The following STK24 variants were observed in gnomAD, a reference collection of about 807,000 sequenced individuals.
STK24 encodes serine/threonine kinase 24, also known as serine/threonine-protein kinase 24.
Under a neutral mutation model 55.6 loss-of-function variants are expected in STK24, and 21 were observed. The observed-to-expected ratio is 0.38, with a 90% CI of 0.27 to 0.54. The LOEUF is 0.54. Ranked by LOEUF, STK24 falls within the 20% of genes least tolerant of loss-of-function variation. STK24 has a pLI of 0.79. For missense variants in STK24, 383 were observed against 538.4 expected (o/e 0.71, Z 2.86); for synonymous variants, 200 against 215.2 (o/e 0.93, Z 0.62).
intron 1 of STK24, among the ~76,000 whole-genome samples, chr13:98,544,521 C>A (rs1377559059): frequency 2.6e-4 from 39 of 152,330 alleles, no homozygotes; most frequent in Admixed American, 2.5e-3. Context: ...GAGGCACAGC[C>A]AGCCGGCAGA....
intron 2 of STK24, among the ~76,000 whole-genome samples, chr13:98,493,902 G>C (rs993703074): frequency 6.7e-6 from 1 of 150,016 alleles, no homozygotes; most frequent in Non-Finnish European, 1.5e-5. Flanking sequence ...GAGTGCAGTG[G>C]TGCGATCTTG....
At chr13:98,562,379 C>A (rs969616139) in intron 1 of STK24, among the ~76,000 whole-genome samples, 1 of 152,110 alleles carries the variant, frequency 6.6e-6, no homozygotes, top group Admixed American at 6.5e-5. Flanking sequence ...GGGTAGGAAA[C>A]GGGACTCGCA....
At chr13:98,485,773 G>A (rs560697648) in intron 2 of STK24, among the ~76,000 whole-genome samples, 2 of 152,354 alleles carry the variant, frequency 1.3e-5, no homozygotes, top group South Asian at 2.1e-4. Context: ...TTGCGAAGGC[G>A]GTTTCAGGTT....
chr13:98,472,192 G>C (rs1894178527), intron 5 of STK24, among the ~76,000 whole-genome samples: 1 of 152,232 alleles, frequency 6.6e-6, no homozygotes, highest in African/African-American at 2.4e-5. Flanking sequence ...TAAGGCCCCA[G>C]CGTGAAACCC....
chr13:98,539,984 A>T (rs1896842003), intron 1 of STK24, among the ~76,000 whole-genome samples: 1 of 152,226 alleles, frequency 6.6e-6, no homozygotes, highest in Non-Finnish European at 1.5e-5. Flanking sequence ...GCTGGAGAGT[A>T]AACAGACAAC....
At chr13:98,544,477 C>T (rs1007441816) in intron 1 of STK24, among the ~76,000 whole-genome samples, 2 of 152,246 alleles carry the variant, frequency 1.3e-5, no homozygotes, top group East Asian at 1.9e-4. Flanking sequence ...CGCAGCCCCC[C>T]TGGAGTATCT....
intron 1 of STK24, among the ~76,000 whole-genome samples, chr13:98,541,407 T>C (rs1332700334): frequency 2.6e-5 from 4 of 152,198 alleles, no homozygotes; most frequent in African/African-American, 4.8e-5. Context: ...CGACCAACTA[T>C]GAAGGGCAGT....
At chr13:98,538,734 T>C (rs1451497346) in intron 1 of STK24, among the ~76,000 whole-genome samples, 2 of 152,086 alleles carry the variant, frequency 1.3e-5, no homozygotes, top group Non-Finnish European at 2.9e-5. Context: ...TGCTAAACCC[T>C]ACCTCCTGGA....
chr13:98,518,490 T>C (rs985536647), intron 2 of STK24, among the ~76,000 whole-genome samples: 2 of 152,348 alleles, frequency 1.3e-5, no homozygotes, highest in African/African-American at 4.8e-5. Flanking sequence ...ATTCTTATGA[T>C]TTCTAAAACC....
chr13:98,554,278 C>T (rs1381203532), intron 1 of STK24, among the ~76,000 whole-genome samples: 1 of 152,140 alleles, frequency 6.6e-6, no homozygotes, highest in Non-Finnish European at 1.5e-5. Context: ...AGAGTCCATA[C>T]TTCCCAAAGA....
chr13:98,563,670 A>G (rs772645628), intron 1 of STK24, among the ~76,000 whole-genome samples: 7 of 152,090 alleles, frequency 4.6e-5, no homozygotes, highest in Non-Finnish European at 1.0e-4. Flanking sequence ...CATCCTGGCT[A>G]ACATGGTGAA....
intron 2 of STK24, among the ~76,000 whole-genome samples, chr13:98,501,238 G>A (rs1895448455): frequency 6.6e-6 from 1 of 152,234 alleles, no homozygotes; most frequent in Non-Finnish European, 1.5e-5. Flanking sequence ...CTGTGGAGCT[G>A]AGAAACCCCA....
chr13:98,485,242 G>A (rs1175114907), intron 2 of STK24, among the ~76,000 whole-genome samples: 1 of 152,186 alleles, frequency 6.6e-6, no homozygotes. Context: ...TATTATTACT[G>A]AAATCAGTCT....
intron 2 of STK24, among the ~76,000 whole-genome samples, chr13:98,500,743 CAACTAT>C: frequency 6.6e-6 from 1 of 151,800 alleles, no homozygotes; most frequent in Admixed American, 6.6e-5. Flanking sequence ...TCCACAAGCC[CAACTAT>C]GACAATAATT....
intron 2 of STK24, among the ~76,000 whole-genome samples, chr13:98,510,273 G>C (rs1487200451): frequency 6.6e-6 from 1 of 152,156 alleles, no homozygotes; most frequent in Non-Finnish European, 1.5e-5. Flanking sequence ...CATCCACCAG[G>C]TAAAAGAAGC....
rs1276595463 is a variant in STK24 at position 98,450,330 on chromosome 13, G to GAAAT, written c.*2839_*2842dup. ...ATACACAAGCTGTTTTTAAAGGAGG[G>GAAAT]AAATATAAAAAATGTTTATAAACTG... On this transcript the variant is annotated 3_prime_UTR_variant, in exon 11 of 11. Transcript: ENST00000539966. 9 of 152,306 alleles carry GAAAT rather than the reference G, an allele frequency of 5.9e-5. No homozygotes were observed. Among genetic ancestry groups the GAAAT allele is most frequent in the South Asian group, 4.1e-4 (2 of 4,826 alleles). 9.4% of individuals were successfully genotyped at this position (152,306 alleles called of 1,614,324 possible). A position where few individuals can be genotyped will look rare whatever the true frequency, so the allele number is the denominator to read the frequency against.
intron 1 of STK24, among the ~76,000 whole-genome samples, chr13:98,521,320 C>A (rs1896253014): frequency 6.6e-6 from 1 of 152,164 alleles, no homozygotes; most frequent in Non-Finnish European, 1.5e-5. Context: ...CACGGCACTA[C>A]ATTTCAAATG....
intron 1 of STK24, among the ~76,000 whole-genome samples, chr13:98,567,290 CG>C (rs1219875773): frequency 6.6e-6 from 1 of 152,184 alleles, no homozygotes; most frequent in Non-Finnish European, 1.5e-5. Context: ...GGCCCTCTGA[CG>C]GGCTATTCGG....
At chr13:98,548,302 G>A (rs912016828) in intron 1 of STK24, among the ~76,000 whole-genome samples, 1 of 152,132 alleles carries the variant, frequency 6.6e-6, no homozygotes, top group African/African-American at 2.4e-5. Flanking sequence ...GACATAGTAA[G>A]TGCTCCCCTG....
Sources: allele counts gnomAD v4.1 joint callset (sites outside exome capture counted in the v4.1 genomes callset), GRCh38; gene constraint gnomAD v4.1.1; transcripts MANE v1.5; gene names NCBI Gene and HGNC (gene_info 2026-07-23, HGNC 2026-07-21).